The following ATF7IP2 variants were observed in gnomAD, a reference collection of about 807,000 sequenced individuals.
The protein encoded by ATF7IP2 is activating transcription factor 7-interacting protein 2.
In ATF7IP2, 42 loss-of-function variants were observed where a neutral mutation model predicts 64.2. The ratio of observed to expected loss-of-function variants is 0.65; its 90% CI spans 0.51 to 0.85. The LOEUF (loss-of-function observed/expected upper bound fraction) is 0.85. Among genes scored for constraint, ATF7IP2 ranks in the 40% least tolerant of loss-of-function variants. The probability of loss-of-function intolerance (pLI) is 0.00; values close to 1 mark genes in which losing one functional copy is unlikely to be tolerated. For synonymous variants in ATF7IP2, 308 were observed against 272.8 expected, an observed-to-expected ratio of 1.13 and a Z score of -1.27; for missense variants, 933 against 784.2, an observed-to-expected ratio of 1.19 and a Z score of -2.27.
chr16:10,471,013 T>G (rs992777029), intron 9 of ATF7IP2, among the ~76,000 whole-genome samples: 3 of 152,092 alleles, frequency 2.0e-5, no homozygotes, highest in African/African-American at 7.2e-5. Context: ...GGGATAGGTA[T>G]GTTGACCAGT....
intron 9 of ATF7IP2, among the ~76,000 whole-genome samples, chr16:10,459,277 G>A (rs2049289933): frequency 6.6e-6 from 1 of 152,002 alleles, no homozygotes; most frequent in Non-Finnish European, 1.5e-5. Context: ...GACCATCCTG[G>A]CTAACATGGT....
At chr16:10,441,529 T>G (rs2048621607) in intron 8 of ATF7IP2, among the ~76,000 whole-genome samples, 1 of 152,248 alleles carries the variant, frequency 6.6e-6, no homozygotes, top group Non-Finnish European at 1.5e-5. Flanking sequence ...TTTTCATGTT[T>G]GTTGGCTGCA....
At chr16:10,435,442 A>C (rs947264945) in intron 6 of ATF7IP2, among the ~76,000 whole-genome samples, 5 of 152,250 alleles carry the variant, frequency 3.3e-5, no homozygotes, top group African/African-American at 1.2e-4. Context: ...TGCCATCTCC[A>C]CTTTGAAGCC....
At chr16:10,457,693 T>C in intron 9 of ATF7IP2, 164 bp downstream of exon 9, 2 of 534,544 alleles carry the variant, frequency 3.7e-6, no homozygotes, top group Non-Finnish European at 5.9e-6. Context: ...GTGGGGGTTT[T>C]TTTTTGGTTT....
intron 8 of ATF7IP2, among the ~76,000 whole-genome samples, chr16:10,450,018 G>C (rs1043533940): frequency 2.0e-5 from 3 of 152,130 alleles, no homozygotes; most frequent in Non-Finnish European, 4.4e-5. Flanking sequence ...GATACATTGT[G>C]TCTTTGGTCC....
rs182848836 is a variant in ATF7IP2, at chr16:10,394,862, G to T, written c.-242+8740G>T. Among the ~76,000 whole-genome samples the T allele has an allele frequency of 2.0e-5, 3 of 152,080 alleles. No homozygotes were observed. In the East Asian group the frequency reaches 5.8e-4, roughly 29 times the overall value. Reference sequence around the variant, plus strand: ...GAGGGTACAATTACAGCAATTCTTAGAAAATTTATAGTGATAAATGCTATA... The same window carrying T: ...GAGGGTACAATTACAGCAATTCTTATAAAATTTATAGTGATAAATGCTATA... On this transcript the variant is annotated intron_variant, in intron 1 of 13. Coordinates refer to ENST00000562102, the MANE Select transcript of ATF7IP2 (RefSeq NM_001393719.1).
intron 8 of ATF7IP2, among the ~76,000 whole-genome samples, chr16:10,441,827 T>A (rs2048634010): frequency 6.6e-6 from 1 of 152,224 alleles, no homozygotes; most frequent in Non-Finnish European, 1.5e-5. Flanking sequence ...CCCATTCCTA[T>A]GTCCTGTATG....
intron 3 of ATF7IP2, among the ~76,000 whole-genome samples, chr16:10,423,624 A>G (rs2048029239): frequency 1.3e-5 from 2 of 152,070 alleles, no homozygotes; most frequent in African/African-American, 4.8e-5. Context: ...GGGTCAGGCC[A>G]CTCTTTTTCT....
chr16:10,412,608 T>G (rs961968905), intron 1 of ATF7IP2, among the ~76,000 whole-genome samples: 1 of 152,210 alleles, frequency 6.6e-6, no homozygotes, highest in Non-Finnish European at 1.5e-5. Flanking sequence ...ATGATCTACC[T>G]TGGAGAAAGT....
chr16:10,392,804 C>G (rs998653635), intron 1 of ATF7IP2, among the ~76,000 whole-genome samples: 1 of 150,098 alleles, frequency 6.7e-6, no homozygotes, highest in Non-Finnish European at 1.5e-5. Context: ...GCCTGGGCAA[C>G]ATAGTGAGAC....
intron 1 of ATF7IP2, among the ~76,000 whole-genome samples, chr16:10,410,362 TGTTTTTG>T (rs2047733887): frequency 7.8e-6 from 1 of 127,828 alleles, no homozygotes; most frequent in Admixed American, 8.3e-5. Context: ...GTTTTGTTTT[TGTTTTTG>T]TTTTGTTTTG....
intron 9 of ATF7IP2, among the ~76,000 whole-genome samples, chr16:10,470,210 A>G (rs577572258): frequency 5.6e-4 from 85 of 152,322 alleles, no homozygotes; most frequent in African/African-American, 2.0e-3. Flanking sequence ...TGTAGAATAT[A>G]TAGTTTAGAA....
rs1028093607 is a variant in ATF7IP2, at chr16:10,448,966, T to C, written c.1195-8406T>C. 2.0e-5 allele frequency: 3 copies of C among 152,310 alleles called. No homozygotes were observed. In the East Asian group the frequency reaches 5.8e-4, roughly 29 times the overall value. 9.4% of individuals were successfully genotyped at this position (152,310 alleles called of 1,614,324 possible). ...GTGGGTTTGTCATAAATAACTCTTA[T>C]TATTTTGAGATATGTTCCATCAGTA... On this transcript the variant is annotated intron_variant, in intron 8 of 13. Transcript: ENST00000562102.
intron 3 of ATF7IP2, among the ~76,000 whole-genome samples, chr16:10,423,019 C>T (rs536344872): frequency 7.9e-5 from 12 of 152,288 alleles, no homozygotes; most frequent in African/African-American, 2.6e-4. Context: ...CCGAGGCAGG[C>T]AGATCACGAG....
chr16:10,439,157 T>C (rs2048523344), intron 7 of ATF7IP2, among the ~76,000 whole-genome samples: 1 of 152,108 alleles, frequency 6.6e-6, no homozygotes, highest in South Asian at 2.1e-4. Context: ...TTTCCTCTTC[T>C]AGTATTACTT....
chr16:10,429,772 T>TTTTAA (rs139599655), intron 4 of ATF7IP2, among the ~76,000 whole-genome samples: 2 of 146,942 alleles, frequency 1.4e-5, no homozygotes, highest in Non-Finnish European at 3.0e-5. Flanking sequence ...TTTTATTTTA[T>TTTTAA]TTTAATTTAA....
chr16:10,465,265 C>T (rs2049523589), intron 9 of ATF7IP2, among the ~76,000 whole-genome samples: 1 of 152,202 alleles, frequency 6.6e-6, no homozygotes, highest in Non-Finnish European at 1.5e-5. Flanking sequence ...TGGATCTAAA[C>T]ATTCTGTCTC....
At chr16:10,453,932 C>G (rs959032662) in intron 8 of ATF7IP2, 1 of 152,198 alleles carries the variant, frequency 6.6e-6, no homozygotes, top group Non-Finnish European at 1.5e-5. Context: ...TGAGCCACTA[C>G]GCCTGGCCCA....
chr16:10,463,639 T>A (rs2049448564), intron 9 of ATF7IP2, among the ~76,000 whole-genome samples: 1 of 152,122 alleles, frequency 6.6e-6, no homozygotes, highest in African/African-American at 2.4e-5. Flanking sequence ...ACATCCTGAC[T>A]GCAACCTCAT....
Sources: allele counts gnomAD v4.1 joint callset (sites outside exome capture counted in the v4.1 genomes callset), GRCh38; gene constraint gnomAD v4.1.1; transcripts MANE v1.5; gene names NCBI Gene and HGNC (gene_info 2026-07-23, HGNC 2026-07-21).